Variants in NCAM2 observed in about 807,000 individuals in gnomAD.
NCAM2 encodes N-CAM-2.
Under a neutral mutation model 98.1 loss-of-function variants are expected in NCAM2, and 30 were observed. The ratio of observed to expected loss-of-function variants is 0.31; its 90% confidence interval spans 0.23 to 0.41. The LOEUF is 0.41. Ranked by LOEUF, NCAM2 falls within the 10% of genes least tolerant of loss-of-function variation. The pLI, the probability that NCAM2 is intolerant of heterozygous loss-of-function variation, is 1.00. For synonymous variants in NCAM2, 368 were observed against 342.4 expected, an observed-to-expected ratio of 1.07 and a Z score of -0.83; for missense variants, 867 against 1,005.8, an observed-to-expected ratio of 0.86 and a Z score of 1.87.
chr21:21,515,514 A>AT (rs1222473165), intron 16 of NCAM2, among the ~76,000 whole-genome samples: 1 of 152,166 alleles, frequency 6.6e-6, no homozygotes, highest in Non-Finnish European at 1.5e-5. Flanking sequence ...AATTATTTTT[A>AT]TTTTTTGTTA....
intron 1 of NCAM2, among the ~76,000 whole-genome samples, chr21:21,099,286 C>A (rs977967636): frequency 1.3e-5 from 2 of 151,874 alleles, no homozygotes; most frequent in Admixed American, 6.6e-5. Flanking sequence ...TCACCTGGCT[C>A]AGGCAAGCTA....
intron 8 of NCAM2, among the ~76,000 whole-genome samples, chr21:21,373,263 G>T (rs2075960939): frequency 6.6e-6 from 1 of 151,800 alleles, no homozygotes; most frequent in Admixed American, 6.6e-5. Flanking sequence ...TGAAGTTCCA[G>T]CAAGACTTTA....
At chr21:21,220,390 A>G (rs941255807) in intron 1 of NCAM2, among the ~76,000 whole-genome samples, 17 of 152,172 alleles carry the variant, frequency 1.1e-4, no homozygotes, top group African/African-American at 4.1e-4. Context: ...GATTGGCTGT[A>G]GTATTCCGTA....
chr21:21,027,408 A>C, intron 1 of NCAM2, among the ~76,000 whole-genome samples: 1 of 152,322 alleles, frequency 6.6e-6, no homozygotes, highest in East Asian at 1.9e-4. Context: ...CCTGCCAGGA[A>C]CTATAAGTTT....
intron 1 of NCAM2, among the ~76,000 whole-genome samples, chr21:21,050,191 G>A (rs754161714): frequency 7.9e-5 from 12 of 151,674 alleles, no homozygotes; most frequent in Admixed American, 5.3e-4. Flanking sequence ...TGTACTCCTC[G>A]ATTTGCATTT....
chr21:21,178,235 C>T (rs1490782889), intron 1 of NCAM2, among the ~76,000 whole-genome samples: 4 of 152,126 alleles, frequency 2.6e-5, no homozygotes, highest in East Asian at 1.9e-4. Context: ...TATTTTTATT[C>T]CTTATAGAAC....
chr21:21,136,620 C>A (rs1282515848), intron 1 of NCAM2, among the ~76,000 whole-genome samples: 2 of 105,432 alleles, frequency 1.9e-5, no homozygotes, highest in Non-Finnish European at 3.9e-5. Context: ...GGCCACCACG[C>A]CTGTTTTTTG....
At chr21:21,367,690 TA>T (rs1693509256) in intron 8 of NCAM2, among the ~76,000 whole-genome samples, 1 of 151,992 alleles carries the variant, frequency 6.6e-6, no homozygotes, top group African/African-American at 2.4e-5. Flanking sequence ...TTATGTACTT[TA>T]CAGATGCTAA....
intron 5 of NCAM2, among the ~76,000 whole-genome samples, chr21:21,303,214 A>G (rs1174663099): frequency 7.5e-6 from 1 of 133,436 alleles, no homozygotes; most frequent in Non-Finnish European, 1.6e-5. Flanking sequence ...CTGTATCTAA[A>G]GTTGAAAAAA....
chr21:21,380,991 A>G (rs1248518781), intron 9 of NCAM2, among the ~76,000 whole-genome samples: 5 of 152,286 alleles, frequency 3.3e-5, no homozygotes, highest in South Asian at 4.1e-4. Context: ...TTTTGTTTGT[A>G]TAACACTTTC....
rs1465894306 is a variant in NCAM2 at position 21,324,398 on chromosome 21, C to T, written c.635C>T (p.Ser212Leu). 4 of 1,613,106 alleles carry T rather than the reference C, an allele frequency of 2.5e-6. No individual in the cohort carries two copies. The highest frequency in any genetic ancestry group is 1.7e-5 in the Admixed American group (1 of 59,962). ...IVIVNVPPAI[S>L]MPQKSFNATA... ...TCTCCTTCAGTGCCGCCAGCAATCT[C>T]AATGCCTCAGAAATCTTTTAATGCC... The change falls in exon 6 of 18, where the codon TCA becomes TTA. Residue 212 changes from serine (S) to leucine (L), a missense_variant. Around this residue, in one of 5 missense-constraint regions of NCAM2, gnomAD observed 447 missense variants for 495.7 expected, o/e 0.90. Coordinates refer to ENST00000400546, the MANE Select transcript of NCAM2 (RefSeq NM_004540.5).
intron 12 of NCAM2, among the ~76,000 whole-genome samples, chr21:21,451,321 AG>A (rs1981037134): frequency 6.6e-6 from 1 of 152,176 alleles, no homozygotes; most frequent in Non-Finnish European, 1.5e-5. Context: ...AAACCATCTA[AG>A]CACATTGATC....
At chr21:21,397,376 T>C (rs186892929) in intron 9 of NCAM2, among the ~76,000 whole-genome samples, 6 of 152,174 alleles carry the variant, frequency 3.9e-5, no homozygotes, top group Non-Finnish European at 7.4e-5. Flanking sequence ...CCCAGGCTGT[T>C]CATGCCAAGG....
chr21:21,092,686 A>G (rs1485305814), intron 1 of NCAM2, among the ~76,000 whole-genome samples: 1 of 151,856 alleles, frequency 6.6e-6, no homozygotes, highest in Non-Finnish European at 1.5e-5. Context: ...AGAAAAATCT[A>G]GGACAAGAAC....
intron 1 of NCAM2, among the ~76,000 whole-genome samples, chr21:21,021,024 G>C (rs2146185480): frequency 6.6e-6 from 1 of 152,122 alleles, no homozygotes; most frequent in South Asian, 2.1e-4. Context: ...GGTGTCTCCT[G>C]GGTCCCACAG....
At chr21:21,287,480 T>C (rs1279413637) in intron 4 of NCAM2, among the ~76,000 whole-genome samples, 1 of 151,946 alleles carries the variant, frequency 6.6e-6, no homozygotes, top group East Asian at 1.9e-4. Context: ...GTACAGTGTA[T>C]TAACAAGTCA....
chr21:21,169,991 A>C (rs915254276), intron 1 of NCAM2, among the ~76,000 whole-genome samples: 2 of 152,092 alleles, frequency 1.3e-5, no homozygotes, highest in African/African-American at 4.8e-5. Flanking sequence ...ACAGCAAATA[A>C]GCATATGAAA....
At chr21:21,157,191 A>G (rs2067641966) in intron 1 of NCAM2, among the ~76,000 whole-genome samples, 1 of 152,180 alleles carries the variant, frequency 6.6e-6, no homozygotes, top group Non-Finnish European at 1.5e-5. Context: ...TGTTGGGTTA[A>G]TAGAAAGGAA....
At chr21:21,327,913 G>C (rs1350254848) in intron 6 of NCAM2, among the ~76,000 whole-genome samples, 1 of 152,152 alleles carries the variant, frequency 6.6e-6, no homozygotes, top group Admixed American at 6.5e-5. Context: ...GTAAATCCAA[G>C]AGGGAGTAAA....
Sources: gnomAD v4.1 joint callset for allele counts (sites outside exome capture counted in the v4.1 genomes callset) on GRCh38, gnomAD v4.1.1 for gene constraint, gnomAD v4.1.1 regional missense constraint, MANE v1.5 for transcripts, NCBI Gene and HGNC (gene_info 2026-07-23, HGNC 2026-07-21) for gene names.